IFT140: variants seen among roughly 807,000 people sequenced by gnomAD.
IFT140 encodes the protein intraflagellar transport 140.
IFT140 carries 133 observed loss-of-function variants against 164.6 expected under a neutral mutation model. That is an observed-to-expected ratio of 0.81 (90% confidence interval 0.70 to 0.93). The LOEUF is 0.93. Among genes scored for constraint, IFT140 ranks in the 40% least tolerant of loss-of-function variants. The probability of loss-of-function intolerance (pLI) is 0.00; values close to 1 mark genes in which losing one functional copy is unlikely to be tolerated. For synonymous variants in IFT140, 860 were observed against 817.3 expected, an observed-to-expected ratio of 1.05 and a Z score of -0.89; for missense variants, 2,045 against 1,972.3, an observed-to-expected ratio of 1.04 and a Z score of -0.70.
intron 13 of IFT140, among the ~76,000 whole-genome samples, chr16:1,575,005 AACCC>A (rs1413053800): frequency 6.6e-6 from 1 of 152,170 alleles, no homozygotes; most frequent in Non-Finnish European, 1.5e-5. Flanking sequence ...AGGGATCACT[AACCC>A]ACCCTTACTC....
intron 19 of IFT140, among the ~76,000 whole-genome samples, chr16:1,548,619 G>T (rs961201323): frequency 6.6e-6 from 1 of 152,194 alleles, no homozygotes; most frequent in Non-Finnish European, 1.5e-5. Flanking sequence ...GGACAATGAG[G>T]AGAGAGGGAA....
intron 19 of IFT140, among the ~76,000 whole-genome samples, chr16:1,547,362 G>C (rs2032259626): frequency 6.6e-6 from 1 of 152,110 alleles, no homozygotes; most frequent in African/African-American, 2.4e-5. Flanking sequence ...TGGCATTTAG[G>C]TTTTCCTGGA....
chr16:1,540,085 G>T (rs1035500623), intron 19 of IFT140, among the ~76,000 whole-genome samples: 1 of 152,204 alleles, frequency 6.6e-6, no homozygotes, highest in Non-Finnish European at 1.5e-5. Context: ...CCTCAGTGGC[G>T]AGGAGCAGTG....
Position 1,519,912 on chromosome 16 carries a change from C to A in IFT140, c.4009G>T (p.Ala1337Ser). 6.3e-7 allele frequency: 1 copy of A among 1,582,908 alleles called. No homozygotes were observed. Among genetic ancestry groups the A allele is most frequent in the Middle Eastern group, 1.7e-4 (1 of 5,896 alleles). The change falls in exon 29 of 31, where the codon GCA becomes TCA. Residue 1337 changes from alanine (A) to serine (S), a missense_variant. Physicochemically the swap from Ala to Ser is moderately conservative, Grantham distance 99 (BLOSUM62 1). Coordinates refer to ENST00000426508, the MANE Select transcript of IFT140 (RefSeq NM_014714.4). ...GCCTGGATGAACCTCTTCACCAGTG[C>A]CATCCTGCTCTGCAGCTGCGCCAGC... ...TRLAQLQSRM[A>S]LVKRFIQARR...
intron 18 of IFT140, 38 bp from the exon 19 acceptor site, chr16:1,558,172 T>G (rs754497481): frequency 6.2e-7 from 1 of 1,607,414 alleles, no homozygotes; most frequent in African/African-American, 1.3e-5. Context: ...TTAATTCATA[T>G]GTAAAGCTGA....
At position 1,520,585 on chromosome 16, in the gene IFT140, G is replaced by A. The variant is rs1333506719; in HGVS notation, c.3660+17C>T. On this transcript the variant is annotated intron_variant, in intron 27 of 30. Coordinates refer to ENST00000426508, the MANE Select transcript of IFT140 (RefSeq NM_014714.4). ...TGCCTGTGAGGTAGCCGCGGGCTGG[G>A]GCCGGGAGAGGCTCACCTTCAGCTT... 6.4e-7 allele frequency: 1 copy of A among 1,557,328 alleles called. No homozygotes were observed. Among genetic ancestry groups the A allele is most frequent in the South Asian group, 1.2e-5 (1 of 85,822 alleles).
chr16:1,534,613 G>A, intron 19 of IFT140: 1 of 1,595,964 alleles, frequency 6.3e-7, no homozygotes. Context: ...GGGCACATGG[G>A]AGATGTTAGG....
At chr16:1,519,853 C>G (rs1395999796) in intron 29 of IFT140, 28 bp downstream of exon 29, 3 of 1,514,766 alleles carry the variant, frequency 2.0e-6, no homozygotes, top group South Asian at 2.7e-5. Flanking sequence ...TCTGCCCTGG[C>G]CTGTCCCCGC....
At position 1,562,190 on chromosome 16, in the gene IFT140, T is replaced by C. The variant is rs1323724573; in HGVS notation, c.2068-74A>G. 5 of 1,352,962 alleles carry C rather than the reference T, an allele frequency of 3.7e-6. No homozygotes were observed. In the East Asian group the frequency reaches 1.2e-4, roughly 34 times the overall value. 83.8% of individuals were successfully genotyped at this position (1,352,962 alleles called of 1,614,324 possible). On this transcript the variant is annotated intron_variant, in intron 17 of 30. Coordinates refer to ENST00000426508, the MANE Select transcript of IFT140 (RefSeq NM_014714.4). ...AAATTTCTGGGGTATGAGTGCCATT[T>C]TGCTACACACACTGCGTCACGGTGG...
chr16:1,586,403 T>G, intron 9 of IFT140, 128 bp from the exon 10 acceptor site: 41 of 856,908 alleles, frequency 4.8e-5, no homozygotes, highest in East Asian at 8.7e-5. Context: ...CTCCACCTCA[T>G]CCCTGGCTGC....
intron 19 of IFT140, among the ~76,000 whole-genome samples, chr16:1,539,859 G>A (rs1342509061): frequency 2.0e-5 from 3 of 152,306 alleles, no homozygotes; most frequent in African/African-American, 4.8e-5. Context: ...TCAGCAGCCC[G>A]GGGACCCCGT....
chr16:1,566,360 G>A (rs139008917), intron 15 of IFT140, 69 bp from the exon 16 acceptor site: 1 of 1,516,794 alleles, frequency 6.6e-7, no homozygotes, highest in Non-Finnish European at 9.1e-7. Flanking sequence ...GCTGTGCTAG[G>A]GGACTGACAC....
At chr16:1,559,178 T>A (rs2033271354) in intron 18 of IFT140, among the ~76,000 whole-genome samples, 1 of 152,190 alleles carries the variant, frequency 6.6e-6, no homozygotes, top group Admixed American at 6.5e-5. Context: ...GCTTCTGCCT[T>A]GAGTGGAAAC....
In IFT140 at chr16:1,553,176, CTCTCTGTCTCTCCTTCCCTGTGTCTCTG is replaced by C. The variant is rs1266648657; in HGVS notation, c.2399+4731_2399+4758del. The C allele has an allele frequency of 1.0e-6, 1 of 985,074 alleles. No individual in the cohort carries two copies. The highest frequency in any genetic ancestry group is 1.2e-6 in the Non-Finnish European group (1 of 829,782). 61.0% of individuals were successfully genotyped at this position (985,074 alleles called of 1,614,324 possible). A position where few individuals can be genotyped will look rare whatever the true frequency, so the allele number is the denominator to read the frequency against. ...AACAAGGCTGGTTACCCATCTCTTG[CTCTCTGTCTCTCCTTCCCTGTGTCTCTG>C]TCTCTGTCTCTCTCTGTCTCCATCT... On this transcript the variant is annotated intron_variant, in intron 19 of 30. Transcript: ENST00000426508. This position sits in a 1 kb window ranked among gnomAD's most constrained non-coding sequence, Gnocchi z 4.4.
At chr16:1,569,003 G>GTTT (rs58205807) in intron 14 of IFT140, among the ~76,000 whole-genome samples, 8 of 126,296 alleles carry the variant, frequency 6.3e-5, no homozygotes, top group Non-Finnish European at 8.5e-5. Flanking sequence ...GTGGTAGCTT[G>GTTT]TTTTTTTTTT....
chr16:1,566,112 A>G, intron 16 of IFT140, 49 bp downstream of exon 16: 1 of 1,596,160 alleles, frequency 6.3e-7, no homozygotes, highest in Non-Finnish European at 8.6e-7. Flanking sequence ...GCCGAGAAGT[A>G]ACTGAACATC....
At chr16:1,534,214 G>C (rs2030812318) in intron 19 of IFT140, 1 of 1,591,144 alleles carries the variant, frequency 6.3e-7, no homozygotes, top group African/African-American at 1.3e-5. Context: ...GCTCTCCCTG[G>C]ACGTGCGGCC....
At chr16:1,536,169 ACCCACAGGTGG>A (rs2031052281) in intron 19 of IFT140, among the ~76,000 whole-genome samples, 1 of 152,138 alleles carries the variant, frequency 6.6e-6, no homozygotes, top group African/African-American at 2.4e-5. Context: ...TGCCACCAAC[ACCCACAGGTGG>A]CCCAGGCAGC....
In IFT140 at chr16:1,593,681, C is replaced by G. The variant is rs142797801; in HGVS notation, c.370-1093G>C. Among the ~76,000 whole-genome samples, 28 of 152,132 alleles carry G rather than the reference C, an allele frequency of 1.8e-4. No homozygotes were observed. In the East Asian group the frequency reaches 4.1e-3, roughly 22 times the overall value. ...TCCACTGGGATTGTTGATAGTTTTT[C>G]TCATAGTTGCCTGGGGTGGAGGACT... On this transcript the variant is annotated intron_variant, in intron 4 of 30. Coordinates refer to ENST00000426508, the MANE Select transcript of IFT140 (RefSeq NM_014714.4).
Sources: gnomAD v4.1 joint callset for allele counts (sites outside exome capture counted in the v4.1 genomes callset) on GRCh38, gnomAD v4.1.1 for gene constraint, Gnocchi (gnomAD v3.1) non-coding constraint, MANE v1.5 for transcripts, NCBI Gene and HGNC (gene_info 2026-07-23, HGNC 2026-07-21) for gene names.